Variants in KCNH1 observed in about 807,000 individuals in gnomAD.
KCNH1 encodes potassium voltage-gated channel subfamily H member 1.
In KCNH1, 27 loss-of-function variants were observed where a neutral mutation model predicts 69.2. That is an observed-to-expected ratio of 0.39 (90% CI 0.29 to 0.54). KCNH1 has a LOEUF of 0.54. KCNH1 is among the 20% of genes least tolerant of loss of function. The pLI, the probability that KCNH1 is intolerant of heterozygous loss-of-function variation, is 0.68. For missense variants in KCNH1, 798 were observed against 1,261.6 expected, an observed-to-expected ratio of 0.63 and a Z score of 5.57; for synonymous variants, 456 against 487.7, an observed-to-expected ratio of 0.93 and a Z score of 0.86.
At chr1:210,704,496 C>T (rs1681858226) in intron 10 of KCNH1, among the ~76,000 whole-genome samples, 1 of 152,176 alleles carries the variant, frequency 6.6e-6, no homozygotes, top group Non-Finnish European at 1.5e-5. Context: ...CCCATGAAGA[C>T]AGCCATTACT....
intron 7 of KCNH1, among the ~76,000 whole-genome samples, chr1:210,837,724 T>C (rs1024867381): frequency 8.5e-5 from 13 of 152,130 alleles, no homozygotes; most frequent in Non-Finnish European, 1.8e-4. Context: ...TTATAGGCTA[T>C]ACGATTTAGG....
chr1:210,909,246 A>T (rs1687176718), intron 7 of KCNH1, among the ~76,000 whole-genome samples: 1 of 152,220 alleles, frequency 6.6e-6, no homozygotes, highest in Non-Finnish European at 1.5e-5. Context: ...ACCCTTATCA[A>T]GCTCTTCTTA....
At chr1:210,917,229 G>GACAGAAAGAAAGAA (rs1553359735) in intron 7 of KCNH1, among the ~76,000 whole-genome samples, 1 of 78,800 alleles carries the variant, frequency 1.3e-5, no homozygotes, top group Admixed American at 1.5e-4. Flanking sequence ...GAGAGAGAGA[G>GACAGAAAGAAAGAA]AGAAAGAAAG....
chr1:210,990,064 T>C (rs1324604931), intron 6 of KCNH1, among the ~76,000 whole-genome samples: 1 of 152,196 alleles, frequency 6.6e-6, no homozygotes, highest in Non-Finnish European at 1.5e-5. Context: ...CCCTTCAGGG[T>C]ACATATCTCC....
chr1:211,015,367 T>C (rs1689474502), intron 6 of KCNH1, among the ~76,000 whole-genome samples: 1 of 152,238 alleles, frequency 6.6e-6, no homozygotes, highest in African/African-American at 2.4e-5. Flanking sequence ...TGTGATTATA[T>C]GATATGTTAT....
chr1:210,908,520 G>A (rs368166367), intron 7 of KCNH1, among the ~76,000 whole-genome samples: 8 of 152,224 alleles, frequency 5.3e-5, no homozygotes, highest in South Asian at 4.2e-4. Context: ...CTTGCAAGAC[G>A]GGGCTGGATG....
intron 7 of KCNH1, among the ~76,000 whole-genome samples, chr1:210,808,903 A>T (rs559869062): frequency 4.6e-5 from 7 of 152,106 alleles, no homozygotes; most frequent in Non-Finnish European, 1.0e-4. Context: ...TCAGGAAACT[A>T]AAAAAGCAAG....
chr1:210,752,387 C>G (rs972706562), intron 10 of KCNH1, among the ~76,000 whole-genome samples: 2 of 152,148 alleles, frequency 1.3e-5, no homozygotes. Context: ...TCCTGATGTC[C>G]GCTGTGCTTT....
intron 3 of KCNH1, among the ~76,000 whole-genome samples, chr1:211,094,147 G>T (rs1691104056): frequency 6.6e-6 from 1 of 152,172 alleles, no homozygotes; most frequent in Non-Finnish European, 1.5e-5. Flanking sequence ...GACTGGGGGT[G>T]GGGATGATTT....
chr1:210,859,313 G>A, intron 7 of KCNH1: 4 of 1,531,982 alleles, frequency 2.6e-6, no homozygotes, highest in Non-Finnish European at 2.7e-6. Context: ...TACTGTGTCT[G>A]TAACTGTTTT....
At position 210,954,590 on chromosome 1, in the gene KCNH1, C is replaced by T. The variant is rs554098245; in HGVS notation, c.1033-34521G>A. ...TGTTGTTTCCTGACTTTTTAATGAT[C>T]GCCATTCTAACTGGCATGAGATGAT... On this transcript the variant is annotated intron_variant, in intron 6 of 10. Transcript: ENST00000271751. Among the ~76,000 whole-genome samples the T allele has an allele frequency of 7.1e-4, 108 of 152,230 alleles. 1 individual carries two copies. The highest frequency in any genetic ancestry group is 9.9e-4 in the Non-Finnish European group (67 of 68,018).
chr1:210,725,797 A>G (rs902015462), intron 10 of KCNH1, among the ~76,000 whole-genome samples: 5 of 152,054 alleles, frequency 3.3e-5, no homozygotes, highest in African/African-American at 7.3e-5. Context: ...ACATATCCAT[A>G]TATTTCCCTT....
At chr1:210,907,838 A>G (rs1428133270) in intron 7 of KCNH1, among the ~76,000 whole-genome samples, 1 of 152,198 alleles carries the variant, frequency 6.6e-6, no homozygotes, top group African/African-American at 2.4e-5. Flanking sequence ...ACAAGCACCT[A>G]TGGTCACCCA....
chr1:210,950,618 T>C (rs533355125), intron 6 of KCNH1, among the ~76,000 whole-genome samples: 37 of 152,050 alleles, frequency 2.4e-4, no homozygotes, highest in Non-Finnish European at 3.1e-4. Context: ...CAGTCTATCA[T>C]TGTTGGACTT....
At chr1:211,073,479 A>G (rs1690681971) in intron 5 of KCNH1, among the ~76,000 whole-genome samples, 1 of 152,210 alleles carries the variant, frequency 6.6e-6, no homozygotes, top group Non-Finnish European at 1.5e-5. Context: ...TGGGCCATGT[A>G]ACACACCTTA....
intron 10 of KCNH1, among the ~76,000 whole-genome samples, chr1:210,713,289 A>G (rs1454064786): frequency 6.6e-6 from 1 of 152,230 alleles, no homozygotes; most frequent in East Asian, 1.9e-4. Context: ...TGAGTCTGGT[A>G]AAGGCCAAAG....
intron 10 of KCNH1, among the ~76,000 whole-genome samples, chr1:210,705,872 C>T (rs1283658285): frequency 2.0e-5 from 3 of 152,246 alleles, no homozygotes; most frequent in East Asian, 1.9e-4. Context: ...TCTGCTTCTA[C>T]ACCAGGCCAG....
chr1:211,127,849 A>C (rs2066024), intron 1 of KCNH1, among the ~76,000 whole-genome samples: 47,098 of 152,090 alleles, frequency 0.31, 8,579 homozygotes, highest in Non-Finnish European at 0.42. Flanking sequence ...GTATACACCC[A>C]AGAGAAATGT....
chr1:211,101,283 C>T (rs976568095), intron 3 of KCNH1, among the ~76,000 whole-genome samples: 1 of 151,348 alleles, frequency 6.6e-6, no homozygotes, highest in Non-Finnish European at 1.5e-5. Flanking sequence ...GGTAGTGGGT[C>T]AATAAAAAGC....
Sources: gnomAD v4.1 joint callset for allele counts (sites outside exome capture counted in the v4.1 genomes callset) on GRCh38, gnomAD v4.1.1 for gene constraint, MANE v1.5 for transcripts, NCBI Gene and HGNC (gene_info 2026-07-23, HGNC 2026-07-21) for gene names.